SEMA6D: variants seen among roughly 807,000 people sequenced by gnomAD.
SEMA6D encodes the protein semaphorin 6D.
SEMA6D carries 35 observed loss-of-function variants against 106.6 expected under a neutral mutation model. That is an observed-to-expected ratio of 0.33 (90% CI 0.25 to 0.44). The LOEUF is 0.44. Among genes scored for constraint, SEMA6D ranks in the 20% least tolerant of loss-of-function variants. The pLI, the probability that SEMA6D is intolerant of heterozygous loss-of-function variation, is 1.00. For synonymous variants in SEMA6D, 499 were observed against 487.7 expected (o/e 1.02, Z -0.31); for missense variants, 1,185 against 1,345.9 (o/e 0.88, Z 1.87).
chr15:47,762,114 G>A lies in SEMA6D; in HGVS notation c.539-86G>A, dbSNP rs117854445. The A allele has an allele frequency of 5.8e-3, 8,503 of 1,459,940 alleles. 49 individuals carry two copies. Among genetic ancestry groups the A allele is most frequent in the Admixed American group, 0.015 (877 of 57,462 alleles). 90.4% of individuals were successfully genotyped at this position (1,459,940 alleles called of 1,614,324 possible). A position where few individuals can be genotyped will look rare whatever the true frequency, so the allele number is the denominator to read the frequency against. ...AGATAATGGTAATACCAGTGAGAGC[G>A]CTCCAAAGGGCATAACACGCTGCCA... On this transcript the variant is annotated intron_variant, in intron 7 of 18. Transcript: ENST00000536845.
chr15:47,523,169 T>G (rs763727874), intron 3 of SEMA6D, among the ~76,000 whole-genome samples: 1 of 152,120 alleles, frequency 6.6e-6, no homozygotes, highest in Non-Finnish European at 1.5e-5. Context: ...GGATCCCACT[T>G]GGGAGGTCAG....
At position 47,638,597 on chromosome 15, in the gene SEMA6D, CTTG is replaced by C. The variant is rs1191034210; in HGVS notation, c.-55+37704_-55+37706del. 7.2e-5 allele frequency among the ~76,000 whole-genome samples: 11 copies of C among 152,256 alleles called. No homozygotes were observed. In the South Asian group the frequency reaches 1.9e-3, roughly 26 times the overall value. On this transcript the variant is annotated intron_variant, in intron 4 of 19. Coordinates refer to the SEMA6D transcript ENST00000558014. ...TAACAAAAATGCCAACATCTGTTAG[CTTG>C]TTATTACAGACTGATTTTTCAATGT...
At chr15:47,213,719 G>T (rs139056842) in intron 1 of SEMA6D, among the ~76,000 whole-genome samples, 5 of 152,224 alleles carry the variant, frequency 3.3e-5, no homozygotes, top group Non-Finnish European at 7.4e-5. Flanking sequence ...ATTGTTTGGT[G>T]AATGACAAGG....
intron 1 of SEMA6D, among the ~76,000 whole-genome samples, chr15:47,299,258 G>A (rs1439601325): frequency 6.6e-6 from 1 of 152,164 alleles, no homozygotes; most frequent in East Asian, 1.9e-4. Context: ...TCAATTTCCT[G>A]TGTTGGTCCA....
chr15:47,546,524 TTC>T (rs762589315), intron 3 of SEMA6D, among the ~76,000 whole-genome samples: 13 of 152,244 alleles, frequency 8.5e-5, no homozygotes, highest in Non-Finnish European at 1.5e-4. Context: ...TGGAATAGAA[TTC>T]TCTCTCAGTG....
intron 4 of SEMA6D, among the ~76,000 whole-genome samples, chr15:47,703,566 A>G (rs2078857625): frequency 6.6e-6 from 1 of 152,220 alleles, no homozygotes; most frequent in Non-Finnish European, 1.5e-5. Context: ...GACAATTTCC[A>G]GAAACTCCTG....
chr15:47,587,458 G>A (rs1351360531), intron 3 of SEMA6D, among the ~76,000 whole-genome samples: 3 of 152,194 alleles, frequency 2.0e-5, no homozygotes, highest in African/African-American at 7.2e-5. Context: ...TTCTACAACT[G>A]TGAGTCTTAT....
At chr15:47,385,042 G>C (rs1441313844) in intron 1 of SEMA6D, among the ~76,000 whole-genome samples, 1 of 98,798 alleles carries the variant, frequency 1.0e-5, no homozygotes, top group African/African-American at 4.1e-5. Flanking sequence ...GAGCTGGACT[G>C]TAATTTTTTT....
intron 1 of SEMA6D, among the ~76,000 whole-genome samples, chr15:47,351,368 C>T (rs985267251): frequency 2.0e-5 from 3 of 152,062 alleles, no homozygotes; most frequent in Non-Finnish European, 1.5e-5. Flanking sequence ...TTTAGTGCAT[C>T]GTCTCATTTT....
intron 3 of SEMA6D, among the ~76,000 whole-genome samples, chr15:47,510,501 G>C (rs759923318): frequency 6.6e-6 from 1 of 152,290 alleles, no homozygotes; most frequent in South Asian, 2.1e-4. Flanking sequence ...TATATTTGTG[G>C]ATCACCAAAT....
At chr15:47,215,886 G>C (rs1432560545) in intron 1 of SEMA6D, among the ~76,000 whole-genome samples, 1 of 151,736 alleles carries the variant, frequency 6.6e-6, no homozygotes, top group Admixed American at 6.6e-5. Context: ...AGAGGTCGAG[G>C]AGCAGTGCCC....
chr15:47,389,530 A>G (rs1176779097), intron 1 of SEMA6D, among the ~76,000 whole-genome samples: 1 of 152,204 alleles, frequency 6.6e-6, no homozygotes, highest in Non-Finnish European at 1.5e-5. Flanking sequence ...CAAAACTTTA[A>G]TGTACTTAGA....
chr15:47,425,672 C>CT (rs750135945), intron 2 of SEMA6D, among the ~76,000 whole-genome samples: 1,370 of 136,586 alleles, frequency 0.01, 9 homozygotes, highest in Middle Eastern at 0.015. Flanking sequence ...AAGATACTTT[C>CT]TTTTTTTTTT....
intron 1 of SEMA6D, among the ~76,000 whole-genome samples, chr15:47,720,957 T>C (rs1479129872): frequency 2.6e-5 from 4 of 152,188 alleles, no homozygotes; most frequent in African/African-American, 4.8e-5. Flanking sequence ...CGTGATAAAA[T>C]ATTGTCTTTT....
intron 1 of SEMA6D, among the ~76,000 whole-genome samples, chr15:47,198,566 G>A (rs925132474): frequency 6.6e-6 from 1 of 152,130 alleles, no homozygotes; most frequent in African/African-American, 2.4e-5. Context: ...CTCCTCCTCT[G>A]CTTAGAAGGG....
intron 4 of SEMA6D, among the ~76,000 whole-genome samples, chr15:47,631,925 T>C (rs1387366205): frequency 6.6e-6 from 1 of 152,052 alleles, no homozygotes; most frequent in Non-Finnish European, 1.5e-5. Flanking sequence ...TAGTGCTATA[T>C]AATTTCCTCT....
At chr15:47,675,723 C>A (rs55889256) in intron 4 of SEMA6D, among the ~76,000 whole-genome samples, 7,346 of 152,262 alleles carry the variant, frequency 0.048, 582 homozygotes, top group African/African-American at 0.16. Flanking sequence ...CCATGATCAT[C>A]AGAGCTCAAC....
intron 1 of SEMA6D, among the ~76,000 whole-genome samples, chr15:47,747,448 T>C (rs1342869699): frequency 6.6e-6 from 1 of 152,236 alleles, no homozygotes; most frequent in African/African-American, 2.4e-5. Flanking sequence ...ATTCAGATAT[T>C]GGTGTGCTTT....
At chr15:47,435,620 G>A (rs527836857) in intron 2 of SEMA6D, among the ~76,000 whole-genome samples, 9 of 152,198 alleles carry the variant, frequency 5.9e-5, no homozygotes, top group African/African-American at 1.7e-4. Flanking sequence ...TCTGGCTCTT[G>A]AGAGATGCAA....
Sources: gnomAD v4.1 joint callset for allele counts (sites outside exome capture counted in the v4.1 genomes callset) on GRCh38, gnomAD v4.1.1 for gene constraint, MANE v1.5 for transcripts, NCBI Gene and HGNC (gene_info 2026-07-23, HGNC 2026-07-21) for gene names.